ZMYM2: variants seen among roughly 807,000 people sequenced by gnomAD.
ZMYM2 encodes zinc finger MYM-type containing 2, also known as zinc finger MYM-type protein 2.
A neutral mutation model predicts 162.8 loss-of-function variants in ZMYM2; 56 were observed. That is an observed-to-expected ratio of 0.34 (90% CI 0.28 to 0.43). The LOEUF is 0.43. Ranked by LOEUF, ZMYM2 falls within the 20% of genes least tolerant of loss-of-function variation. ZMYM2 has a pLI of 1.00. For missense variants in ZMYM2, 1,275 were observed against 1,621.8 expected (o/e 0.79, Z 3.67); for synonymous variants, 510 against 541.6 (o/e 0.94, Z 0.81).
At chr13:19,903,563 G>T in the ZMYM2 span, among the ~76,000 whole-genome samples, 2 of 149,444 alleles carry the variant, frequency 1.3e-5, no homozygotes, top group African/African-American at 2.5e-5. Context: ...GTATATTTTA[G>T]CCCAATTAAA....
rs1014050345 is a variant in ZMYM2 at position 19,972,391 on chromosome 13, A to G, written c.-11+12365A>G. On this transcript the variant is annotated intron_variant, in intron 2 of 24. Coordinates refer to ENST00000610343, the MANE Select transcript of ZMYM2 (RefSeq NM_197968.4). ...AGAATATCACTTTAGTATGTATTAC[A>G]TTTACCCTTAAGAATTATCTAGTAA... Among the ~76,000 whole-genome samples the G allele has an allele frequency of 2.6e-5, 4 of 152,140 alleles. No homozygotes were observed. In the East Asian group the frequency reaches 7.7e-4, roughly 29 times the overall value.
In ZMYM2 at chr13:20,085,887, A is replaced by C. The variant is rs1489850492; in HGVS notation, c.4007A>C (p.Asp1336Ala). The C allele has an allele frequency of 6.2e-7, 1 of 1,613,644 alleles. No individual in the cohort carries two copies. Among genetic ancestry groups the C allele is most frequent in the Non-Finnish European group, 8.5e-7 (1 of 1,179,742 alleles). ...CAACCAGAATGCTCTAGTTCTACAGATAGCCCTGTCTGGTATACGTCTACT... is the reference window on the plus strand; with the variant it reads ...CAACCAGAATGCTCTAGTTCTACAGCTAGCCCTGTCTGGTATACGTCTACT... ...YLQPECSSST[D>A]SPVWYTSTSL... The change falls in exon 25 of 25, where the codon GAT becomes GCT. Residue 1336 changes from aspartate (D) to alanine (A), a missense_variant. Coordinates refer to ENST00000610343, the MANE Select transcript of ZMYM2 (RefSeq NM_197968.4).
intron 9 of ZMYM2, chr13:20,028,061 C>A (rs1430111554): frequency 5.6e-6 from 1 of 178,274 alleles, no homozygotes; most frequent in South Asian, 2.0e-4. Flanking sequence ...CTGCTTTATT[C>A]CAGGTACTGT....
chr13:19,987,571 A>ATGTGTGTG (rs1566226297), intron 2 of ZMYM2, among the ~76,000 whole-genome samples: 5 of 114,636 alleles, frequency 4.4e-5, no homozygotes, highest in African/African-American at 2.0e-4. Context: ...GCGCCCCGCT[A>ATGTGTGTG]CGTGTGTGTG....
chr13:19,920,215 C>T, the ZMYM2 span, among the ~76,000 whole-genome samples: 2 of 152,282 alleles, frequency 1.3e-5, no homozygotes, highest in East Asian at 1.9e-4. Context: ...GACAAACTTT[C>T]TCTGTAAAGG....
the ZMYM2 span, among the ~76,000 whole-genome samples, chr13:19,873,261 C>G: frequency 0.1 from 15,168 of 152,060 alleles, 900 homozygotes; most frequent in African/African-American, 0.17. Flanking sequence ...ACAGGTGTTG[C>G]ATTTACTTGC....
chr13:20,032,767 C>T (rs1953313883), intron 10 of ZMYM2, among the ~76,000 whole-genome samples: 2 of 151,840 alleles, frequency 1.3e-5, no homozygotes, highest in Non-Finnish European at 2.9e-5. Context: ...TGCCACCACG[C>T]CTGGCTAATT....
the ZMYM2 span, among the ~76,000 whole-genome samples, chr13:19,886,209 A>G: frequency 0.91 from 125,779 of 137,934 alleles, 58,693 homozygotes; most frequent in Non-Finnish European, 1. Context: ...TTGTTGCCCA[A>G]GCTGGAGTGC....
intron 6 of ZMYM2, among the ~76,000 whole-genome samples, chr13:20,011,088 C>T (rs563680937): frequency 1.3e-5 from 2 of 152,124 alleles, no homozygotes; most frequent in Non-Finnish European, 1.5e-5. Flanking sequence ...TGGGAACATT[C>T]GAAATTCTCT....
At chr13:19,885,992 T>TATATGTGTGTATACAC in the ZMYM2 span, among the ~76,000 whole-genome samples, 1 of 131,262 alleles carries the variant, frequency 7.6e-6, no homozygotes, top group Non-Finnish European at 1.7e-5. Context: ...TATATACACA[T>TATATGTGTGTATACAC]ATATATGTGT....
chr13:20,012,313 C>CTA (rs2140070103), intron 6 of ZMYM2, among the ~76,000 whole-genome samples: 1 of 152,212 alleles, frequency 6.6e-6, no homozygotes, highest in Admixed American at 6.5e-5. Context: ...GTAGCTAGGA[C>CTA]TATAGGCATA....
At chr13:19,869,551 G>C in the ZMYM2 span, among the ~76,000 whole-genome samples, 7 of 152,134 alleles carry the variant, frequency 4.6e-5, no homozygotes, top group African/African-American at 1.7e-4. Flanking sequence ...ACTTTGGGAG[G>C]CCGAGGCAGG....
chr13:19,877,699 T>A, the ZMYM2 span, among the ~76,000 whole-genome samples: 1 of 152,228 alleles, frequency 6.6e-6, no homozygotes, highest in African/African-American at 2.4e-5. Context: ...TTAAGGTTCA[T>A]CCATGTGGCA....
the ZMYM2 span, among the ~76,000 whole-genome samples, chr13:19,918,754 C>G: frequency 7.9e-5 from 12 of 152,024 alleles, no homozygotes; most frequent in African/African-American, 1.4e-4. Flanking sequence ...CCACCTCGGC[C>G]TCCCAAAGTG....
At chr13:20,045,863 T>C (rs1954730472) in intron 12 of ZMYM2, among the ~76,000 whole-genome samples, 1 of 152,056 alleles carries the variant, frequency 6.6e-6, no homozygotes, top group Non-Finnish European at 1.5e-5. Flanking sequence ...TCTTGGAGGA[T>C]TTTTTTGTTG....
chr13:19,926,607 A>G, the ZMYM2 span, among the ~76,000 whole-genome samples: 422 of 151,680 alleles, frequency 2.8e-3, 1 homozygote, highest in African/African-American at 9.7e-3. Context: ...CAAGTGATCC[A>G]CCCACCTCGG....
intron 17 of ZMYM2, 70 bp from the exon 18 acceptor site, chr13:20,062,776 G>T: frequency 3.6e-6 from 5 of 1,385,184 alleles, no homozygotes; most frequent in Non-Finnish European, 9.5e-7. Context: ...ACTTGCTTTT[G>T]CCAGATTAAA....
At chr13:20,030,861 T>A (rs1953065561) in intron 9 of ZMYM2, among the ~76,000 whole-genome samples, 1 of 152,152 alleles carries the variant, frequency 6.6e-6, no homozygotes, top group Non-Finnish European at 1.5e-5. Context: ...CTGGTAGACT[T>A]GGAATGAAAA....
At chr13:19,869,322 TTAAA>T in the ZMYM2 span, among the ~76,000 whole-genome samples, 1 of 152,156 alleles carries the variant, frequency 6.6e-6, no homozygotes, top group Non-Finnish European at 1.5e-5. Flanking sequence ...TTTTTTTAAC[TTAAA>T]TTATGTTCTA....
Sources: gnomAD v4.1 joint callset for allele counts (sites outside exome capture counted in the v4.1 genomes callset) on GRCh38, gnomAD v4.1.1 for gene constraint, MANE v1.5 for transcripts, NCBI Gene and HGNC (gene_info 2026-07-23, HGNC 2026-07-21) for gene names.